The following TK1 variants were observed in gnomAD, a reference collection of about 807,000 sequenced individuals.
The protein encoded by TK1 is thymidine kinase 1.
In TK1, 13 loss-of-function variants were observed where a neutral mutation model predicts 22.4. The ratio of observed to expected loss-of-function variants is 0.58; its 90% CI spans 0.38 to 0.92. The LOEUF is 0.92. TK1 is among the 40% of genes least tolerant of loss of function. The probability of loss-of-function intolerance (pLI) is 0.00; values close to 1 mark genes in which losing one functional copy is unlikely to be tolerated. For synonymous variants in TK1, 134 were observed against 125.4 expected (o/e 1.07, Z -0.46); for missense variants, 251 against 315.7 (o/e 0.80, Z 1.55).
At chr17:78,187,124 G>A (rs1213199340), upstream of TK1, 1 of 1,076,932 alleles carries the variant, frequency 9.3e-7, no homozygotes, top group Non-Finnish European at 1.4e-6. Context: ...CCGCCATGGG[G>A]CCAATCAGCG....
chr17:78,186,701 AGGGG>A, intron 2 of TK1, 82 bp downstream of exon 2: 1 of 770,874 alleles, frequency 1.3e-6, no homozygotes, highest in Admixed American at 3.6e-5. Flanking sequence ...AGGGGAGGGG[AGGGG>A]AGGGAAGGGG....
chr17:78,184,283 T>G (rs1247386334), intron 3 of TK1, among the ~76,000 whole-genome samples: 1 of 152,238 alleles, frequency 6.6e-6, no homozygotes, highest in African/African-American at 2.4e-5. Flanking sequence ...ATCTGTTCTC[T>G]GCACAGCCAT....
chr17:78,186,133 G>GGGGA (rs940238084), intron 2 of TK1, among the ~76,000 whole-genome samples: 1 of 152,040 alleles, frequency 6.6e-6, no homozygotes, highest in African/African-American at 2.4e-5. Context: ...GGAGGCGGGG[G>GGGGA]GGTGCACGCC....
At chr17:78,179,526 G>GCC in intron 4 of TK1, 1 of 985,464 alleles carries the variant, frequency 1.0e-6, no homozygotes, top group Non-Finnish European at 1.2e-6. Flanking sequence ...CAGGGCAGAT[G>GCC]CCCCGCACAG....
At chr17:78,185,788 C>A (rs2075782988) in intron 2 of TK1, among the ~76,000 whole-genome samples, 1 of 152,142 alleles carries the variant, frequency 6.6e-6, no homozygotes. Flanking sequence ...CCTCAGCCTT[C>A]CAAAGCGCTG....
chr17:78,185,314 G>A (rs778048246), intron 2 of TK1, 149 bp from the exon 3 acceptor site: 110 of 623,598 alleles, frequency 1.8e-4, no homozygotes, highest in Non-Finnish European at 3.0e-4. Context: ...GAGCAGGCAG[G>A]GTATAATATC....
chr17:78,185,238 C>G, intron 2 of TK1, 73 bp from the exon 3 acceptor site: 1 of 1,177,652 alleles, frequency 8.5e-7, no homozygotes, highest in Non-Finnish European at 1.3e-6. Flanking sequence ...CCCCAACAAG[C>G]CTGGCTCCTC....
In TK1 at chr17:78,174,454, C is replaced by T. The variant is rs1185792637; in HGVS notation, c.*305G>A. ...GGAAGAAGCAGGCTGATGTCAACAGCGTGGGGCTCTGTCCCTCACCCCAAG... is the reference window on the plus strand; with the variant it reads ...GGAAGAAGCAGGCTGATGTCAACAGTGTGGGGCTCTGTCCCTCACCCCAAG... On this transcript the variant is annotated 3_prime_UTR_variant, in exon 7 of 7. Coordinates refer to ENST00000301634, the MANE Select transcript of TK1 (RefSeq NM_003258.5). 8 of 398,108 alleles carry T rather than the reference C, an allele frequency of 2.0e-5. No homozygotes were observed. The highest frequency in any genetic ancestry group is 6.4e-4 in the Middle Eastern group (1 of 1,552). The allele number at this position is 398,108 out of a possible 1,614,324, so 24.7% of individuals were successfully genotyped here.
chr17:78,185,208 A>G (rs763285825), intron 2 of TK1, 43 bp from the exon 3 acceptor site: 8 of 1,517,018 alleles, frequency 5.3e-6, no homozygotes, highest in Non-Finnish European at 7.3e-6. Flanking sequence ...CGGCGGGAGG[A>G]GTGGGAGAAG....
In TK1 at chr17:78,174,621, AAGG is replaced by A. The variant is rs2075683653; in HGVS notation, c.*135_*137del. On this transcript the variant is annotated 3_prime_UTR_variant, in exon 7 of 7. Coordinates refer to ENST00000301634, the MANE Select transcript of TK1 (RefSeq NM_003258.5). ...ATGCGGCAGGTGGGGCAGCCACACA[AAGG>A]AGAGTTCCCAGAAGGCCAAGGTGTG... The A allele has an allele frequency of 1.0e-6, 1 of 982,538 alleles. No homozygotes were observed. Among genetic ancestry groups the A allele is most frequent in the Non-Finnish European group, 1.5e-6 (1 of 685,354 alleles). 60.9% of individuals were successfully genotyped at this position (982,538 alleles called of 1,614,324 possible).
chr17:78,178,590 C>G (rs543009629), intron 4 of TK1, among the ~76,000 whole-genome samples: 8 of 152,310 alleles, frequency 5.3e-5, no homozygotes, highest in Admixed American at 4.6e-4. Flanking sequence ...ATGCTAGGAA[C>G]CCCTCTCCTC....
chr17:78,182,638 GCCA>G lies in TK1; in HGVS notation c.251_253del (p.Val84del). On this transcript the variant is annotated inframe_deletion, in exon 4 of 7. Coordinates refer to ENST00000301634, the MANE Select transcript of TK1 (RefSeq NM_003258.5). ...GACAGCCACGCCCAGGGCCTCCTGG[GCCA>G]CGTCTCGGAGCAGGCAGGCGGGCAG... The G allele has an allele frequency of 6.3e-7, 1 of 1,595,914 alleles. No individual in the cohort carries two copies. The highest frequency in any genetic ancestry group is 8.5e-7 in the Non-Finnish European group (1 of 1,172,760).
intron 4 of TK1, among the ~76,000 whole-genome samples, 174 bp from the exon 5 acceptor site, chr17:78,175,792 C>T (rs1049695482): frequency 6.6e-6 from 1 of 152,178 alleles, no homozygotes; most frequent in African/African-American, 2.4e-5. Context: ...CGCACGCCCC[C>T]CAGCAGACGA....
chr17:78,175,630 A>G lies in TK1; in HGVS notation c.304-12T>C. On this transcript the variant is annotated splice_polypyrimidine_tract_variant and intron_variant, in intron 4 of 6. Coordinates refer to ENST00000301634, the MANE Select transcript of TK1 (RefSeq NM_003258.5). ...ACGATGTCAGGGAACTGGAAAGGGC[A>G]CGTGGAGAAAGAGTGTGAGAGCTTC... 1 of 1,611,640 alleles carries G rather than the reference A, an allele frequency of 6.2e-7. No individual in the cohort carries two copies. Among genetic ancestry groups the G allele is most frequent in the South Asian group, 1.1e-5 (1 of 90,970 alleles).
intron 4 of TK1, among the ~76,000 whole-genome samples, chr17:78,177,575 ATTT>A (rs148116384): frequency 2.1e-5 from 3 of 143,656 alleles, no homozygotes; most frequent in Non-Finnish European, 3.1e-5. Context: ...AAAAAGGTCT[ATTT>A]TTTTTTTTTT....
At chr17:78,187,093 G>A (rs761951106), upstream of TK1, 2 of 1,338,418 alleles carry the variant, frequency 1.5e-6, no homozygotes, top group Non-Finnish European at 1.1e-6. Flanking sequence ...CGGCGTGCTG[G>A]CCAATCACGA....
chr17:78,185,075 G>T lies in TK1; in HGVS notation c.189C>A (p.Ser63Arg). The change falls in exon 3 of 7, where the codon AGC (serine) becomes AGA (arginine). Residue 63 changes from serine to arginine, a missense_variant. Transcript: ENST00000301634. ...IKYAKDTRYS[S>R]SFCTHDRNTM... ...CTGACCGGTCATGTGTGCAGAAGCT[G>T]CTGCTGTAGCGAGTGTCTTTGGCAT... The T allele has an allele frequency of 6.2e-7, 1 of 1,612,798 alleles. No individual in the cohort carries two copies. Among genetic ancestry groups the T allele is most frequent in the Middle Eastern group, 1.6e-4 (1 of 6,062 alleles).
intron 4 of TK1, among the ~76,000 whole-genome samples, chr17:78,177,584 T>C (rs1393719140): frequency 6.6e-6 from 1 of 152,072 alleles, no homozygotes; most frequent in African/African-American, 2.4e-5. Flanking sequence ...TATTTTTTTT[T>C]TTTTTTTGAG....
intron 3 of TK1, among the ~76,000 whole-genome samples, chr17:78,183,075 G>A (rs2075749015): frequency 6.6e-6 from 1 of 152,136 alleles, no homozygotes; most frequent in Non-Finnish European, 1.5e-5. Context: ...CACCATGTTG[G>A]CCAGGCTGGT....
Sources: gnomAD v4.1 joint callset for allele counts (sites outside exome capture counted in the v4.1 genomes callset) on GRCh38, gnomAD v4.1.1 for gene constraint, MANE v1.5 for transcripts, NCBI Gene and HGNC (gene_info 2026-07-23, HGNC 2026-07-21) for gene names.